CRYL1: variants seen among roughly 807,000 people sequenced by gnomAD.
CRYL1 encodes the protein lambda-crystallin homolog.
A neutral mutation model predicts 36.6 loss-of-function variants in CRYL1; 29 were observed. That is an observed-to-expected ratio of 0.79 (90% CI 0.59 to 1.08). The LOEUF (loss-of-function observed/expected upper bound fraction) is 1.08, where lower values mean the gene tolerates loss of function less well. Ranked by LOEUF, CRYL1 falls within the 50% of genes least tolerant of loss-of-function variation. The pLI, the probability that CRYL1 is intolerant of heterozygous loss-of-function variation, is 0.00. For synonymous variants in CRYL1, 152 were observed against 151.5 expected (o/e 1.00, Z -0.02); for missense variants, 411 against 407.9 (o/e 1.01, Z -0.06).
At chr13:20,509,341 T>C (rs970489701) in intron 2 of CRYL1, among the ~76,000 whole-genome samples, 2 of 152,052 alleles carry the variant, frequency 1.3e-5, no homozygotes, top group African/African-American at 4.8e-5. Flanking sequence ...GAGCTATTTT[T>C]ACTGAGGCTT....
chr13:20,424,330 C>T lies in CRYL1; in HGVS notation c.633+7772G>A, dbSNP rs115395713. 8.6e-3 allele frequency among the ~76,000 whole-genome samples: 1,311 copies of T among 152,234 alleles called. 8 individuals are homozygous for T. The highest frequency in any genetic ancestry group is 0.03 in the African/African-American group (1,233 of 41,534). ...GCTGGACTGAGAAGCAGCATGTGGA[C>T]TCTGTTGGAAAGGAGCTGAGGAAGA... On this transcript the variant is annotated intron_variant, in intron 5 of 7. Coordinates refer to ENST00000298248, the MANE Select transcript of CRYL1 (RefSeq NM_015974.3).
chr13:20,462,414 G>C (rs559815607), intron 3 of CRYL1, among the ~76,000 whole-genome samples: 1 of 150,674 alleles, frequency 6.6e-6, no homozygotes, highest in South Asian at 2.1e-4. Flanking sequence ...AGGAAGCTCT[G>C]GAATCCAGCC....
At chr13:20,456,602 T>TAA (rs2032691017) in intron 3 of CRYL1, among the ~76,000 whole-genome samples, 4 of 106,342 alleles carry the variant, frequency 3.8e-5, no homozygotes, top group African/African-American at 6.7e-5. Context: ...CCACGATTCT[T>TAA]AAAACACACA....
In CRYL1 at chr13:20,482,403, CAT is replaced by C. The variant is rs150204942; in HGVS notation, c.276+6965_276+6966del. On this transcript the variant is annotated intron_variant, in intron 3 of 7. Transcript: ENST00000298248. ...TTCCAGAGATTAGATAAGGCCTCGA[CAT>C]AGTGGCTAATGAGCTTTAATGTGCT... Among the ~76,000 whole-genome samples, 947 of 152,318 alleles carry C rather than the reference CAT, an allele frequency of 6.2e-3. 8 individuals carry two copies. The highest frequency in any genetic ancestry group is 0.021 in the African/African-American group (886 of 41,554).
chr13:20,452,403 A>G (rs1180926946), intron 3 of CRYL1, among the ~76,000 whole-genome samples: 1 of 152,220 alleles, frequency 6.6e-6, no homozygotes, highest in East Asian at 1.9e-4. Flanking sequence ...TAATATCTCA[A>G]AAAGTAGACC....
chr13:20,460,198 T>G (rs1165785133), intron 3 of CRYL1, among the ~76,000 whole-genome samples: 1 of 151,530 alleles, frequency 6.6e-6, no homozygotes, highest in Non-Finnish European at 1.5e-5. Flanking sequence ...TCCTATTTTT[T>G]GTTATGACCA....
chr13:20,475,009 G>A (rs564750345), intron 3 of CRYL1, among the ~76,000 whole-genome samples: 28 of 152,238 alleles, frequency 1.8e-4, no homozygotes, highest in African/African-American at 5.1e-4. Context: ...GGACCCGTGC[G>A]CAGCCTCCTT....
At chr13:20,412,150 C>A (rs1283609880) in intron 6 of CRYL1, among the ~76,000 whole-genome samples, 2 of 152,028 alleles carry the variant, frequency 1.3e-5, no homozygotes, top group Non-Finnish European at 2.9e-5. Context: ...AAAGCATGGG[C>A]CTTTCCTGGA....
intron 2 of CRYL1, among the ~76,000 whole-genome samples, chr13:20,494,103 C>T (rs150218607): frequency 2.8e-3 from 425 of 152,276 alleles, no homozygotes; most frequent in Non-Finnish European, 3.2e-3. Context: ...ATAAGTTTGA[C>T]CTGCAGCAGT....
chr13:20,428,794 C>T (rs1234268054), intron 5 of CRYL1, among the ~76,000 whole-genome samples: 1 of 152,184 alleles, frequency 6.6e-6, no homozygotes, highest in Admixed American at 6.5e-5. Context: ...AACGGCATTC[C>T]TCCCTGACCT....
intron 3 of CRYL1, among the ~76,000 whole-genome samples, chr13:20,444,758 C>T (rs1229097349): frequency 6.6e-6 from 1 of 152,178 alleles, no homozygotes; most frequent in Non-Finnish European, 1.5e-5. Flanking sequence ...GCTCTATCAC[C>T]CAGGCTGGAG....
At chr13:20,511,070 G>A (rs1292799506) in intron 2 of CRYL1, among the ~76,000 whole-genome samples, 3 of 151,904 alleles carry the variant, frequency 2.0e-5, no homozygotes, top group Admixed American at 1.3e-4. Flanking sequence ...TTTTTGTCTG[G>A]TTGGCTTTGC....
intron 5 of CRYL1, chr13:20,431,823 T>C (rs1593439385): frequency 1.5e-6 from 2 of 1,368,460 alleles, no homozygotes; most frequent in East Asian, 6.3e-5. Flanking sequence ...TGTCTAATGC[T>C]ATGAAAGGGC....
intron 6 of CRYL1, among the ~76,000 whole-genome samples, chr13:20,408,853 TACAA>T (rs1408092355): frequency 6.6e-6 from 1 of 152,028 alleles, no homozygotes; most frequent in African/African-American, 2.4e-5. Context: ...TAAAAGAGGA[TACAA>T]ACAAATGGAA....
chr13:20,430,073 A>G (rs990313570), intron 5 of CRYL1, among the ~76,000 whole-genome samples: 16 of 151,964 alleles, frequency 1.1e-4, no homozygotes, highest in African/African-American at 3.9e-4. Context: ...CCTGGAAGTC[A>G]TCGCTGTGGG....
intron 3 of CRYL1, among the ~76,000 whole-genome samples, chr13:20,471,477 C>T (rs1007847340): frequency 1.3e-5 from 2 of 151,876 alleles, no homozygotes; most frequent in Admixed American, 6.6e-5. Context: ...TGGTGGCGGT[C>T]GCCTGTAGTC....
chr13:20,521,304 GA>G (rs2034095006), intron 1 of CRYL1, among the ~76,000 whole-genome samples: 1 of 152,082 alleles, frequency 6.6e-6, no homozygotes. Flanking sequence ...GGGAAGGAAA[GA>G]AAAGTGAGCA....
At chr13:20,491,143 C>T (rs55650548) in intron 2 of CRYL1, among the ~76,000 whole-genome samples, 4 of 152,086 alleles carry the variant, frequency 2.6e-5, no homozygotes, top group Admixed American at 6.5e-5. Context: ...CTGGGCTCAA[C>T]TGATCCTCCT....
At chr13:20,510,800 A>T (rs1593498954) in intron 2 of CRYL1, among the ~76,000 whole-genome samples, 1 of 151,830 alleles carries the variant, frequency 6.6e-6, no homozygotes, top group Non-Finnish European at 1.5e-5. Flanking sequence ...TTTAGTAGAG[A>T]TAGAGTTTCA....
Sources: allele counts gnomAD v4.1 joint callset (sites outside exome capture counted in the v4.1 genomes callset), GRCh38; gene constraint gnomAD v4.1.1; transcripts MANE v1.5; gene names NCBI Gene and HGNC (gene_info 2026-07-23, HGNC 2026-07-21).